PRORP: variants seen among roughly 807,000 people sequenced by gnomAD.
PRORP encodes the protein mitochondrial ribonuclease P catalytic subunit.
PRORP carries 51 observed loss-of-function variants against 59.4 expected under a neutral mutation model. That is an observed-to-expected ratio of 0.86 (90% confidence interval 0.69 to 1.08). The LOEUF (loss-of-function observed/expected upper bound fraction) is 1.08, where lower values mean the gene tolerates loss of function less well. Among genes scored for constraint, PRORP ranks in the 50% least tolerant of loss-of-function variants. The probability of loss-of-function intolerance (pLI) is 0.00; values close to 1 mark genes in which losing one functional copy is unlikely to be tolerated. For synonymous variants in PRORP, 231 were observed against 245.6 expected, an observed-to-expected ratio of 0.94 and a Z score of 0.55; for missense variants, 646 against 690.3, an observed-to-expected ratio of 0.94 and a Z score of 0.72.
At position 35,203,924 on chromosome 14, in the gene PRORP, A is replaced by G. The variant is rs1175991932; in HGVS notation, c.1275+23147A>G. On this transcript the variant is annotated intron_variant, in intron 5 of 7. Transcript: ENST00000534898. ...TTATTATTGCATTGAGGCAATGACA[A>G]CAAAAATTCTCCTTTGAAGATAAAG... Among the ~76,000 whole-genome samples the G allele has an allele frequency of 2.6e-5, 4 of 152,350 alleles. No homozygotes were observed. The East Asian group carries it at 7.7e-4, about 29-fold the overall frequency.
At chr14:35,157,228 T>C (rs1391946551) in intron 4 of PRORP, among the ~76,000 whole-genome samples, 2 of 152,158 alleles carry the variant, frequency 1.3e-5, no homozygotes, top group African/African-American at 2.4e-5. Flanking sequence ...GTGCTGGGAT[T>C]ACAGGCGTGA....
At chr14:35,233,992 G>A (rs1022295838) in intron 5 of PRORP, among the ~76,000 whole-genome samples, 3 of 152,090 alleles carry the variant, frequency 2.0e-5, no homozygotes, top group African/African-American at 7.2e-5. Flanking sequence ...TAAAGCTCAG[G>A]CTTTCCTTAT....
chr14:35,205,972 C>T (rs764291347), intron 5 of PRORP, among the ~76,000 whole-genome samples: 1 of 152,154 alleles, frequency 6.6e-6, no homozygotes, highest in Non-Finnish European at 1.5e-5. Flanking sequence ...GTCATACCAC[C>T]AGTCACACCA....
intron 5 of PRORP, among the ~76,000 whole-genome samples, chr14:35,236,318 CTGATTCTCT>C: frequency 6.6e-6 from 1 of 152,250 alleles, no homozygotes; most frequent in South Asian, 2.1e-4. Flanking sequence ...ACATGCTTTT[CTGATTCTCT>C]TGGATCTCCA....
chr14:35,173,539 C>T (rs2048370800), intron 4 of PRORP, among the ~76,000 whole-genome samples: 1 of 151,966 alleles, frequency 6.6e-6, no homozygotes, highest in Non-Finnish European at 1.5e-5. Context: ...TGGTTTTATC[C>T]TTTCTAGGAT....
At chr14:35,263,794 G>A (rs941286172) in intron 5 of PRORP, among the ~76,000 whole-genome samples, 11 of 152,320 alleles carry the variant, frequency 7.2e-5, no homozygotes, top group African/African-American at 2.4e-4. Context: ...ACATAGAGAG[G>A]TCTAGGAAAT....
intron 4 of PRORP, among the ~76,000 whole-genome samples, chr14:35,176,441 G>T (rs1042088253): frequency 2.3e-4 from 35 of 151,948 alleles, no homozygotes; most frequent in Admixed American, 3.3e-4. Flanking sequence ...TAGTTCTCCT[G>T]GAAGAGGTCC....
intron 4 of PRORP, among the ~76,000 whole-genome samples, chr14:35,162,347 C>T (rs10146445): frequency 0.4 from 60,198 of 151,822 alleles, 12,483 homozygotes; most frequent in East Asian, 0.68. Flanking sequence ...ATTCTTTCTC[C>T]GCACCTTGAA....
At chr14:35,257,674 T>C (rs1315355419) in intron 5 of PRORP, among the ~76,000 whole-genome samples, 2 of 152,174 alleles carry the variant, frequency 1.3e-5, no homozygotes, top group African/African-American at 4.8e-5. Context: ...AATGTTCTTA[T>C]AAATGAGGTA....
chr14:35,201,702 G>C (rs1258084530), intron 5 of PRORP, among the ~76,000 whole-genome samples: 2 of 151,840 alleles, frequency 1.3e-5, no homozygotes, highest in African/African-American at 4.8e-5. Context: ...GAGTGCAGTG[G>C]TGCGATCTTG....
intron 5 of PRORP, among the ~76,000 whole-genome samples, chr14:35,181,612 C>A (rs112455137): frequency 0.18 from 27,987 of 151,766 alleles, 2,830 homozygotes; most frequent in Admixed American, 0.27. Flanking sequence ...TGGTGAAACC[C>A]TGTCTCTACT....
At chr14:35,244,015 G>A (rs753658392) in intron 5 of PRORP, among the ~76,000 whole-genome samples, 9 of 152,080 alleles carry the variant, frequency 5.9e-5, no homozygotes, top group Non-Finnish European at 1.3e-4. Context: ...GACCATCCAT[G>A]TTTCTGCCTT....
intron 5 of PRORP, among the ~76,000 whole-genome samples, chr14:35,251,792 G>A (rs1477718382): frequency 6.6e-6 from 1 of 152,142 alleles, no homozygotes; most frequent in Non-Finnish European, 1.5e-5. Flanking sequence ...CTGACCTCGT[G>A]ATCCACCCAC....
intron 5 of PRORP, among the ~76,000 whole-genome samples, chr14:35,259,195 A>G (rs1318905903): frequency 5.9e-5 from 9 of 152,222 alleles, no homozygotes; most frequent in Admixed American, 4.6e-4. Context: ...TTACCATTAT[A>G]TAACGTCTTT....
At chr14:35,189,662 G>A (rs2048833329) in intron 5 of PRORP, among the ~76,000 whole-genome samples, 1 of 152,058 alleles carries the variant, frequency 6.6e-6, no homozygotes, top group Non-Finnish European at 1.5e-5. Flanking sequence ...TAATGATTGT[G>A]TTATCTAAAC....
chr14:35,162,364 G>T (rs2048081340), intron 4 of PRORP, among the ~76,000 whole-genome samples: 1 of 152,074 alleles, frequency 6.6e-6, no homozygotes, highest in Admixed American at 6.6e-5. Context: ...TGAAGATTCA[G>T]TGTGTTATCA....
At chr14:35,169,779 T>G (rs1171027521) in intron 4 of PRORP, among the ~76,000 whole-genome samples, 2 of 152,230 alleles carry the variant, frequency 1.3e-5, no homozygotes, top group African/African-American at 4.8e-5. Flanking sequence ...GTGGTCTGTC[T>G]TAGTAGATGT....
chr14:35,123,198 G>A lies in PRORP; in HGVS notation c.-48G>A, dbSNP rs1285499154. The A allele has an allele frequency of 6.4e-7, 1 of 1,554,894 alleles. No individual in the cohort carries two copies. On this transcript the variant is annotated 5_prime_UTR_variant, in exon 2 of 8. Transcript: ENST00000534898. ...CTCTTTAATTTTGCCATAGAAGAGG[G>A]GTTTTTTCAACATCTCTCTCACTAT...
chr14:35,184,917 C>T (rs968418356), intron 5 of PRORP, among the ~76,000 whole-genome samples: 5 of 152,168 alleles, frequency 3.3e-5, no homozygotes, highest in African/African-American at 1.2e-4. Flanking sequence ...TTTATCCAAT[C>T]TGTCATTGAT....
Sources: allele counts gnomAD v4.1 joint callset (sites outside exome capture counted in the v4.1 genomes callset), GRCh38; gene constraint gnomAD v4.1.1; transcripts MANE v1.5; gene names NCBI Gene and HGNC (gene_info 2026-07-23, HGNC 2026-07-21).